NDRG2: variants seen among roughly 807,000 people sequenced by gnomAD.
NDRG2 encodes the protein NDRG family member 2, also known as protein NDRG2.
A neutral mutation model predicts 58.2 loss-of-function variants in NDRG2; 34 were observed. That is an observed-to-expected ratio of 0.58 (90% CI 0.44 to 0.78). The LOEUF (loss-of-function observed/expected upper bound fraction) is 0.78. NDRG2 is among the 30% of genes least tolerant of loss of function. The pLI is 0.00. For missense variants in NDRG2, 434 were observed against 471.2 expected (o/e 0.92, Z 0.73); for synonymous variants, 187 against 175.9 (o/e 1.06, Z -0.50).
chr14:21,020,741 G>A, intron 7 of NDRG2, 43 bp downstream of exon 7: 1 of 1,611,420 alleles, frequency 6.2e-7, no homozygotes, highest in Non-Finnish European at 8.5e-7. Flanking sequence ...CTCCTAATCA[G>A]TCTGGACCCT....
chr14:21,059,150 C>T (rs535288117), intron 1 of NDRG2, among the ~76,000 whole-genome samples: 41 of 152,280 alleles, frequency 2.7e-4, no homozygotes, highest in African/African-American at 8.4e-4. Flanking sequence ...CTTGTGTGTG[C>T]GCAAGACCAG....
intron 1 of NDRG2, 67 bp from the exon 2 acceptor site, chr14:21,023,388 C>T (rs909981947): frequency 7.2e-7 from 1 of 1,391,046 alleles, no homozygotes; most frequent in Non-Finnish European, 1.0e-6. Flanking sequence ...AAACACCAGG[C>T]TTCCTCTCTC....
intron 1 of NDRG2, chr14:21,031,771 C>T (rs1884184658): frequency 5.2e-6 from 6 of 1,145,070 alleles, no homozygotes; most frequent in Admixed American, 2.5e-5. Context: ...AAGCAGCACC[C>T]CATGCCAGTG....
chr14:21,020,154 C>T (rs529704288), intron 8 of NDRG2, 178 bp from the exon 9 acceptor site: 29 of 590,344 alleles, frequency 4.9e-5, no homozygotes, highest in Non-Finnish European at 7.6e-5. Flanking sequence ...ATTAGCCAGG[C>T]GTGGTGGCGG....
chr14:21,042,717 G>A (rs1021744816), intron 1 of NDRG2, among the ~76,000 whole-genome samples: 1 of 152,124 alleles, frequency 6.6e-6, no homozygotes, highest in African/African-American at 2.4e-5. Flanking sequence ...TAAGGGAAAG[G>A]GGAGAGGACA....
intron 1 of NDRG2, among the ~76,000 whole-genome samples, chr14:21,065,933 T>G (rs1474723530): frequency 6.6e-6 from 1 of 152,126 alleles, no homozygotes; most frequent in Non-Finnish European, 1.5e-5. Flanking sequence ...ACCCTGTCTT[T>G]ACTAAAAATA....
intron 1 of NDRG2, among the ~76,000 whole-genome samples, chr14:21,063,873 ACCTATGGAGATAGCTTGT>A (rs1370548035): frequency 1.1e-4 from 16 of 152,338 alleles, no homozygotes; most frequent in African/African-American, 3.8e-4. Flanking sequence ...GAGGGAATTT[ACCTATGGAGATAGCTTGT>A]CCCATTTTCA....
intron 1 of NDRG2, among the ~76,000 whole-genome samples, chr14:21,054,721 A>G (rs1444150912): frequency 6.6e-6 from 1 of 152,214 alleles, no homozygotes; most frequent in Non-Finnish European, 1.5e-5. Context: ...GTGGATCTTA[A>G]CCTGCCAGAA....
rs372749450 is a variant in NDRG2, at chr14:21,019,980, T to A, written c.556-4A>T. The stretch of plus-strand genomic sequence containing the variant: ...TGGAAGAGGTGAGGCCTGTTAGCTA[T>A]GAGGAGAAGGCAGGTGAGAAAGTTC... On this transcript the variant is annotated splice_region_variant and splice_polypyrimidine_tract_variant and intron_variant, in intron 8 of 15. Transcript: ENST00000556147. 1.2e-6 allele frequency: 2 copies of A among 1,613,386 alleles called. No individual in the cohort carries two copies. Among genetic ancestry groups the A allele is most frequent in the Non-Finnish European group, 1.7e-6 (2 of 1,179,844 alleles).
chr14:21,065,308 A>T (rs1233803095), intron 1 of NDRG2, among the ~76,000 whole-genome samples: 2 of 152,044 alleles, frequency 1.3e-5, no homozygotes, highest in Non-Finnish European at 2.9e-5. Context: ...AAAGCAGCTG[A>T]CCCCAAGCCT....
At chr14:21,030,560 C>T, upstream of NDRG2, 1 of 1,610,846 alleles carries the variant, frequency 6.2e-7, no homozygotes, top group Non-Finnish European at 8.5e-7. Flanking sequence ...CCACGACTGC[C>T]CTCCCCGACC....
chr14:21,049,619 G>A (rs1454750817), intron 1 of NDRG2, among the ~76,000 whole-genome samples: 1 of 151,904 alleles, frequency 6.6e-6, no homozygotes, highest in Non-Finnish European at 1.5e-5. Flanking sequence ...TCCTCATGTT[G>A]CAAATGAGCA....
chr14:21,048,686 G>C (rs1885321363), intron 1 of NDRG2, among the ~76,000 whole-genome samples: 1 of 152,246 alleles, frequency 6.6e-6, no homozygotes, highest in South Asian at 2.1e-4. Context: ...ACAGTGACTA[G>C]CATGTAGGGA....
chr14:21,030,322 G>A, upstream of NDRG2: 2 of 462,984 alleles, frequency 4.3e-6, no homozygotes, highest in Non-Finnish European at 7.9e-6. Flanking sequence ...AAAGAGGTAG[G>A]GGAAAGAGAG....
intron 1 of NDRG2, chr14:21,034,235 A>C (rs1280857344): frequency 6.2e-7 from 1 of 1,614,010 alleles, no homozygotes; most frequent in Admixed American, 1.7e-5. Context: ...CCATGACCAG[A>C]GTTGGCCCCA....
At chr14:21,027,711 A>AC (rs1883791781), upstream of NDRG2, among the ~76,000 whole-genome samples, 1 of 152,226 alleles carries the variant, frequency 6.6e-6, no homozygotes, top group Admixed American at 6.5e-5. Flanking sequence ...CTTTATACAT[A>AC]CAGATTCTAG....
At chr14:21,066,045 G>C (rs1275763930) in intron 1 of NDRG2, among the ~76,000 whole-genome samples, 1 of 152,150 alleles carries the variant, frequency 6.6e-6, no homozygotes. Flanking sequence ...GTTGCAGTGA[G>C]TCCAGATTGC....
In NDRG2 at chr14:21,024,967, C is replaced by A. The variant is rs971057268; in HGVS notation, c.-944G>T. 1.7e-5 allele frequency: 17 copies of A among 985,530 alleles called. No homozygotes were observed. The highest frequency in any genetic ancestry group is 2.0e-5 in the Non-Finnish European group (17 of 830,104). 61.0% of individuals were successfully genotyped at this position (985,530 alleles called of 1,614,324 possible). Reference sequence around the variant, plus strand: ...TCCAGGGGACGCGGATCAATCACACCGCCCGCCGGCCCGGCTGGCGCCTTC... The same window carrying A: ...TCCAGGGGACGCGGATCAATCACACAGCCCGCCGGCCCGGCTGGCGCCTTC... On this transcript the variant is annotated 5_prime_UTR_variant, in exon 1 of 16. Coordinates refer to ENST00000556147, the MANE Select transcript of NDRG2 (RefSeq NM_001320329.2).
chr14:21,029,480 C>T (rs1330264693), upstream of NDRG2, among the ~76,000 whole-genome samples: 1 of 152,102 alleles, frequency 6.6e-6, no homozygotes, highest in African/African-American at 2.4e-5. Context: ...TGGGCTAATC[C>T]CAGCTACTGG....
Sources: gnomAD v4.1 joint callset for allele counts (sites outside exome capture counted in the v4.1 genomes callset) on GRCh38, gnomAD v4.1.1 for gene constraint, MANE v1.5 for transcripts, NCBI Gene and HGNC (gene_info 2026-07-23, HGNC 2026-07-21) for gene names.